The following TSNARE1 variants were observed in gnomAD, a reference collection of about 807,000 sequenced individuals.
The protein encoded by TSNARE1 is t-SNARE domain-containing protein 1.
In TSNARE1, 49 loss-of-function variants were observed where a neutral mutation model predicts 62.0. The ratio of observed to expected loss-of-function variants is 0.79; its 90% CI spans 0.63 to 1.00. TSNARE1 has a LOEUF of 1.00. Ranked by LOEUF, TSNARE1 falls within the 50% of genes least tolerant of loss-of-function variation. The pLI is 0.00. For synonymous variants in TSNARE1, 328 were observed against 294.4 expected (o/e 1.11, Z -1.17); for missense variants, 755 against 700.1 (o/e 1.08, Z -0.88).
chr8:142,299,632 C>T (rs533083093), intron 10 of TSNARE1, among the ~76,000 whole-genome samples: 4 of 152,342 alleles, frequency 2.6e-5, no homozygotes, highest in South Asian at 4.1e-4. Context: ...CATGCACACA[C>T]ACGCACTCAC....
At chr8:142,321,462 C>A (rs550861519) in intron 6 of TSNARE1, among the ~76,000 whole-genome samples, 1 of 152,022 alleles carries the variant, frequency 6.6e-6, no homozygotes. Flanking sequence ...GGAAGTAGAA[C>A]AGAGATAATA....
chr8:142,359,284 C>G (rs1176455166), intron 1 of TSNARE1, among the ~76,000 whole-genome samples: 2 of 152,180 alleles, frequency 1.3e-5, no homozygotes, highest in Non-Finnish European at 2.9e-5. Context: ...CCATAAGATG[C>G]AGATGCCCAC....
intron 9 of TSNARE1, among the ~76,000 whole-genome samples, chr8:142,307,957 GTTTC>G (rs1194212866): frequency 2.0e-5 from 3 of 152,274 alleles, no homozygotes; most frequent in East Asian, 1.9e-4. Context: ...ACCATCATGG[GTTTC>G]TTTGCCATTT....
chr8:142,238,729 G>A (rs10464986), intron 12 of TSNARE1, among the ~76,000 whole-genome samples: 5,148 of 97,786 alleles, frequency 0.053, 110 homozygotes, highest in South Asian at 0.088. Context: ...CTGCACACCC[G>A]CCCCTGCACG....
At chr8:142,240,944 C>T (rs1256824866) in intron 12 of TSNARE1, among the ~76,000 whole-genome samples, 1 of 152,178 alleles carries the variant, frequency 6.6e-6, no homozygotes, top group African/African-American at 2.4e-5. Flanking sequence ...AACTTTTCTT[C>T]CAAGATCAGG....
intron 6 of TSNARE1, among the ~76,000 whole-genome samples, chr8:142,327,794 T>C (rs1490527049): frequency 6.6e-6 from 1 of 152,228 alleles, no homozygotes; most frequent in Non-Finnish European, 1.5e-5. Context: ...TGAGCCCTTC[T>C]GGTGCTGATT....
chr8:142,244,272 G>T (rs1179067582), intron 12 of TSNARE1, among the ~76,000 whole-genome samples: 1 of 152,098 alleles, frequency 6.6e-6, no homozygotes, highest in East Asian at 1.9e-4. Flanking sequence ...AATGAGAAAT[G>T]AACACTTGGC....
intron 9 of TSNARE1, among the ~76,000 whole-genome samples, chr8:142,304,457 C>T (rs1350931287): frequency 6.6e-6 from 1 of 152,360 alleles, no homozygotes; most frequent in Non-Finnish European, 1.5e-5. Flanking sequence ...GCCCCGTGGT[C>T]TATGCCCCTC....
chr8:142,369,760 T>C (rs1015839242), intron 1 of TSNARE1, among the ~76,000 whole-genome samples: 1 of 151,984 alleles, frequency 6.6e-6, no homozygotes, highest in African/African-American at 2.4e-5. Context: ...AACCTGAAAT[T>C]ACCCAAACCA....
At chr8:142,381,455 A>G (rs1335748742) in intron 1 of TSNARE1, among the ~76,000 whole-genome samples, 1 of 147,710 alleles carries the variant, frequency 6.8e-6, no homozygotes, top group Non-Finnish European at 1.5e-5. Context: ...TCCCCTTGCT[A>G]AAACCTATCA....
At chr8:142,365,015 T>C (rs1000036114) in intron 1 of TSNARE1, among the ~76,000 whole-genome samples, 1 of 152,190 alleles carries the variant, frequency 6.6e-6, no homozygotes, top group Non-Finnish European at 1.5e-5. Flanking sequence ...ATTTACATAA[T>C]TGCAAAGGAT....
chr8:142,390,115 T>C (rs1479355361), intron 1 of TSNARE1, among the ~76,000 whole-genome samples: 3 of 152,256 alleles, frequency 2.0e-5, no homozygotes, highest in Admixed American at 6.5e-5. Context: ...TTTTAAATGA[T>C]ACAACTGTAT....
chr8:142,222,959 C>T (rs199837234), intron 13 of TSNARE1, among the ~76,000 whole-genome samples: 18,012 of 77,918 alleles, frequency 0.23, 1,635 homozygotes, highest in South Asian at 0.34. Context: ...CATCCACTCA[C>T]TCACTCATTC....
intron 11 of TSNARE1, among the ~76,000 whole-genome samples, chr8:142,283,424 GGTTA>G (rs1822059933): frequency 6.8e-6 from 1 of 147,836 alleles, no homozygotes; most frequent in African/African-American, 2.5e-5. Flanking sequence ...GCAGAGGCGG[GGTTA>G]GTGTCTGTCA....
At chr8:142,241,506 AT>A (rs1817666115) in intron 12 of TSNARE1, among the ~76,000 whole-genome samples, 1 of 152,226 alleles carries the variant, frequency 6.6e-6, no homozygotes, top group African/African-American at 2.4e-5. Flanking sequence ...TAGAAAAAAA[AT>A]CTAAAATTTG....
rs752022189 is a variant in TSNARE1 at position 142,345,775 on chromosome 8, C to A, written c.206G>T (p.Gly69Val). Residue 69 changes from glycine to valine, a missense_variant, in exon 3 of 14, where the codon GGC becomes GTC. Physicochemically the swap from Gly to Val is moderately radical, Grantham distance 109. Transcript: ENST00000524325. ...KDGEGDLGPA[G>V]TPIVPRARKR... ...CCTGGCCCTTGGGACAATAGGCGTGCCTGCTGGCCCCAGATCACCTTCCCC... is the reference window on the plus strand; with the variant it reads ...CCTGGCCCTTGGGACAATAGGCGTGACTGCTGGCCCCAGATCACCTTCCCC... 1.9e-6 allele frequency: 3 copies of A among 1,613,268 alleles called. No individual in the cohort carries two copies. The highest frequency in any genetic ancestry group is 2.7e-5 in the African/African-American group (2 of 75,004).
chr8:142,237,555 CTTATCAATCGAACA>C, intron 12 of TSNARE1, among the ~76,000 whole-genome samples: 1 of 152,364 alleles, frequency 6.6e-6, no homozygotes, highest in East Asian at 1.9e-4. Context: ...CCTCCGTTTC[CTTATCAATCGAACA>C]TTTTGACAAG....
chr8:142,363,579 C>G (rs1022974125), intron 1 of TSNARE1, among the ~76,000 whole-genome samples: 2 of 152,174 alleles, frequency 1.3e-5, no homozygotes, highest in African/African-American at 2.4e-5. Context: ...AAAAACACAA[C>G]CTGAAGACGG....
intron 2 of TSNARE1, among the ~76,000 whole-genome samples, chr8:142,353,725 C>G (rs572284965): frequency 6.7e-6 from 1 of 149,728 alleles, no homozygotes; most frequent in Non-Finnish European, 1.5e-5. Context: ...ACCAGAGCCC[C>G]GGCAAGAGCC....
Sources: allele counts gnomAD v4.1 joint callset (sites outside exome capture counted in the v4.1 genomes callset), GRCh38; gene constraint gnomAD v4.1.1; transcripts MANE v1.5; gene names NCBI Gene and HGNC (gene_info 2026-07-23, HGNC 2026-07-21).